PLCB4: variants seen among roughly 807,000 people sequenced by gnomAD.
PLCB4 encodes 1-phosphatidylinositol 4,5-bisphosphate phosphodiesterase beta-4.
A neutral mutation model predicts 178.8 loss-of-function variants in PLCB4; 77 were observed. The observed-to-expected ratio is 0.43, with a 90% CI of 0.36 to 0.52. The LOEUF is 0.52. PLCB4 is among the 20% of genes least tolerant of loss of function. PLCB4 has a pLI of 0.00. For missense variants in PLCB4, 1,024 were observed against 1,453.4 expected, an observed-to-expected ratio of 0.70 and a Z score of 4.80; for synonymous variants, 496 against 490.8, an observed-to-expected ratio of 1.01 and a Z score of -0.14.
At chr20:9,279,808 C>G (rs895780804) in intron 3 of PLCB4, among the ~76,000 whole-genome samples, 1 of 151,980 alleles carries the variant, frequency 6.6e-6, no homozygotes, top group Non-Finnish European at 1.5e-5. Context: ...GTTTCTGTGC[C>G]TCTTTTTGAG....
chr20:9,451,823 A>G (rs1263597475), intron 32 of PLCB4, among the ~76,000 whole-genome samples: 4 of 152,196 alleles, frequency 2.6e-5, no homozygotes, highest in Non-Finnish European at 4.4e-5. Flanking sequence ...AAATGTCACT[A>G]TCCCAATTAT....
intron 2 of PLCB4, among the ~76,000 whole-genome samples, chr20:9,103,696 T>A (rs2091264436): frequency 6.6e-6 from 1 of 152,184 alleles, no homozygotes; most frequent in Non-Finnish European, 1.5e-5. Flanking sequence ...AAGGTTGTCT[T>A]TAGAGTATTT....
In PLCB4 at chr20:9,453,358, C is replaced by T. The variant is rs1383718501; in HGVS notation, c.2892C>T (p.Thr964=). 1.1e-5 allele frequency: 17 copies of T among 1,602,776 alleles called. No individual in the cohort carries two copies. Among genetic ancestry groups the T allele is most frequent in the Non-Finnish European group, 1.3e-5 (15 of 1,170,340 alleles). Residue 964 remains threonine (T), a synonymous_variant, in exon 33 of 40, where the codon ACC becomes ACT. Transcript: ENST00000378473. The part of the protein sequence containing the change: ...LKKKHAKEHS[T]MQKLHCTQVD... ...TCCTTCTTGTTCAGGAACACAGTAC[C>T]ATGCAGAAGTTACACTGCACGCAAG...
chr20:9,464,649 A>C (rs1453760729), intron 35 of PLCB4, among the ~76,000 whole-genome samples: 1 of 152,220 alleles, frequency 6.6e-6, no homozygotes, highest in East Asian at 1.9e-4. Flanking sequence ...GAATACTATA[A>C]ACACCTCTAT....
chr20:9,282,703 T>A lies in PLCB4; in HGVS notation c.-15-25097T>A, dbSNP rs2094504456. 2.0e-5 allele frequency among the ~76,000 whole-genome samples: 3 copies of A among 152,170 alleles called. No homozygotes were observed. In the South Asian group the frequency reaches 6.2e-4, roughly 32 times the overall value. On this transcript the variant is annotated intron_variant, in intron 3 of 39. Coordinates refer to ENST00000378473, the MANE Select transcript of PLCB4 (RefSeq NM_001377142.1). ...CACCCTCAAATTTTGCAGAATTTTT[T>A]AAATCATGTTTTATTTCTCACAGTT...
At chr20:9,469,857 C>T (rs181420295) in intron 36 of PLCB4, among the ~76,000 whole-genome samples, 70 of 152,268 alleles carry the variant, frequency 4.6e-4, no homozygotes, top group African/African-American at 1.6e-3. Context: ...TAATTCCCAG[C>T]GATCACCAGT....
intron 3 of PLCB4, among the ~76,000 whole-genome samples, chr20:9,229,160 G>A (rs76569229): frequency 0.073 from 11,085 of 152,224 alleles, 514 homozygotes; most frequent in Non-Finnish European, 0.1. Context: ...ATCCCATAAA[G>A]CAGCCTTTTT....
rs1568917115 is a variant in PLCB4, at chr20:9,473,274, T to C, written c.3409-5T>C. 3.7e-6 allele frequency: 5 copies of C among 1,354,422 alleles called. No homozygotes were observed. The highest frequency in any genetic ancestry group is 3.9e-6 in the Non-Finnish European group (4 of 1,024,658). The allele number at this position is 1,354,422 out of a possible 1,614,324, so 83.9% of individuals were successfully genotyped here. ...TCAGAATTTTTTTTTTTTTTTTTTT[T>C]GCAGCTTGCCATGAAGCAGTCCAAA... is the stretch of plus-strand genomic sequence containing the variant. On this transcript the variant is annotated splice_polypyrimidine_tract_variant and splice_region_variant and intron_variant, in intron 37 of 39. Coordinates refer to ENST00000378473, the MANE Select transcript of PLCB4 (RefSeq NM_001377142.1).
At chr20:9,102,568 G>T (rs1194354457) in intron 2 of PLCB4, among the ~76,000 whole-genome samples, 3 of 152,166 alleles carry the variant, frequency 2.0e-5, no homozygotes, top group African/African-American at 7.2e-5. Flanking sequence ...AATAGCAACT[G>T]TATACCTGTA....
chr20:9,224,649 C>A (rs1168686267), intron 3 of PLCB4, among the ~76,000 whole-genome samples: 1 of 152,216 alleles, frequency 6.6e-6, no homozygotes, highest in Admixed American at 6.5e-5. Context: ...GTTTGGCCAA[C>A]TGCCAGGTTT....
At chr20:9,267,640 G>A (rs1229145551) in intron 3 of PLCB4, among the ~76,000 whole-genome samples, 3 of 152,076 alleles carry the variant, frequency 2.0e-5, no homozygotes, top group Non-Finnish European at 4.4e-5. Flanking sequence ...CCTGTGCTTA[G>A]ATACATGAAA....
At chr20:9,450,658 CTTTTTTTTTTTTT>C (rs60982044) in intron 32 of PLCB4, among the ~76,000 whole-genome samples, 1 of 100,248 alleles carries the variant, frequency 1.0e-5, no homozygotes, top group Non-Finnish European at 2.1e-5. Context: ...CTTTTCTTTT[CTTTTTTTTTTTTT>C]TTTTTTTGAG....
chr20:9,195,218 T>C (rs2093456829), intron 2 of PLCB4, among the ~76,000 whole-genome samples: 1 of 152,244 alleles, frequency 6.6e-6, no homozygotes, highest in African/African-American at 2.4e-5. Context: ...CTTATCACAC[T>C]TTAATGTGGA....
Position 9,267,824 on chromosome 20 carries a change from A to G in PLCB4, c.-15-39976A>G, listed in dbSNP as rs371194471. On this transcript the variant is annotated intron_variant, in intron 3 of 39. Coordinates refer to ENST00000378473, the MANE Select transcript of PLCB4 (RefSeq NM_001377142.1). ...GCCCTCATGATAGATTTATTTGTTC[A>G]TGGATTAATGGAGTAATGGGTTAGC... Among the ~76,000 whole-genome samples the G allele has an allele frequency of 4.9e-4, 74 of 152,164 alleles. 2 individuals are homozygous for G. The highest frequency in any genetic ancestry group is 1.6e-3 in the African/African-American group (67 of 41,542).
intron 2 of PLCB4, among the ~76,000 whole-genome samples, chr20:9,132,020 C>T (rs567861018): frequency 6.6e-6 from 1 of 152,154 alleles, no homozygotes; most frequent in African/African-American, 2.4e-5. Context: ...TATTGAGTGA[C>T]CTCAGCTACA....
At chr20:9,395,694 T>C in intron 19 of PLCB4, 76 bp downstream of exon 19, 2 of 1,066,354 alleles carry the variant, frequency 1.9e-6, no homozygotes, top group Admixed American at 2.0e-5. Flanking sequence ...CTGGGCACAG[T>C]GGCTCAAGCC....
intron 2 of PLCB4, among the ~76,000 whole-genome samples, chr20:9,147,221 T>C (rs1190518423): frequency 1.3e-5 from 2 of 152,154 alleles, no homozygotes; most frequent in East Asian, 3.9e-4. Flanking sequence ...GACTTCTTTA[T>C]TGTGGGGCTT....
intron 2 of PLCB4, among the ~76,000 whole-genome samples, chr20:9,141,793 G>A (rs984584620): frequency 2.0e-5 from 3 of 152,080 alleles, no homozygotes; most frequent in African/African-American, 7.2e-5. Context: ...GTAGTCAGGA[G>A]TGTTTTTATA....
intron 2 of PLCB4, among the ~76,000 whole-genome samples, chr20:9,216,487 G>T (rs955375997): frequency 6.6e-6 from 1 of 151,854 alleles, no homozygotes; most frequent in Non-Finnish European, 1.5e-5. Flanking sequence ...AAAGTGCTGG[G>T]ATTACAGGCG....
Sources: allele counts gnomAD v4.1 joint callset (sites outside exome capture counted in the v4.1 genomes callset), GRCh38; gene constraint gnomAD v4.1.1; transcripts MANE v1.5; gene names NCBI Gene and HGNC (gene_info 2026-07-23, HGNC 2026-07-21).